The following ANKRD17 variants were observed in gnomAD, a reference collection of about 807,000 sequenced individuals.
The protein encoded by ANKRD17 is ankyrin repeat domain 17.
A neutral mutation model predicts 229.7 loss-of-function variants in ANKRD17; 19 were observed. The observed-to-expected ratio is 0.08, with a 90% CI of 0.06 to 0.12. ANKRD17 has a LOEUF of 0.12. ANKRD17 is among the 10% of genes least tolerant of loss of function. The pLI is 1.00. For synonymous variants in ANKRD17, 1,112 were observed against 1,146.1 expected, an observed-to-expected ratio of 0.97 and a Z score of 0.60; for missense variants, 2,176 against 3,176.8, an observed-to-expected ratio of 0.68 and a Z score of 7.57.
rs147884337 is a variant in ANKRD17, at chr4:73,105,776, G to C, written c.4402-3229C>G. 6.8e-4 allele frequency among the ~76,000 whole-genome samples: 104 copies of C among 152,198 alleles called. No individual in the cohort carries two copies. In the East Asian group the frequency reaches 0.013, roughly 18 times the overall value. Reference sequence around the variant, plus strand: ...GATTATTATAAGCATTAAAAGAAAGGCAAAATACTAAATTTGAGAAAAAGT... The same window carrying C: ...GATTATTATAAGCATTAAAAGAAAGCCAAAATACTAAATTTGAGAAAAAGT... On this transcript the variant is annotated intron_variant, in intron 24 of 33. Coordinates refer to ENST00000358602, the MANE Select transcript of ANKRD17 (RefSeq NM_032217.5).
At chr4:73,246,499 G>C (rs1744513734) in intron 1 of ANKRD17, among the ~76,000 whole-genome samples, 1 of 152,142 alleles carries the variant, frequency 6.6e-6, no homozygotes, top group Non-Finnish European at 1.5e-5. Context: ...ATTAGGTGTT[G>C]GAAGAAAGGT....
At position 73,142,381 on chromosome 4, in the gene ANKRD17, C is replaced by G. The variant is rs1729720928; in HGVS notation, c.2090G>C (p.Gly697Ala). The G allele has an allele frequency of 6.3e-7, 1 of 1,589,008 alleles. No homozygotes were observed. The highest frequency in any genetic ancestry group is 1.2e-5 in the South Asian group (1 of 85,072). ...GADPTHRLKDGSTMLIEAAKG... is the reference protein window; with the variant it reads ...GADPTHRLKDASTMLIEAAKG... ...TGCTGCTTCTATCAACATAGTTGAG[C>G]CATCCTAAAAGAGTGAATATGGAAG... Residue 697 changes from glycine to alanine, a missense_variant, in exon 13 of 34, where the codon GGC becomes GCC. By Grantham distance (60) the Gly-to-Ala change is moderately conservative (BLOSUM62 0). This residue lies in a region of ANKRD17 where 275 missense variants were observed against 386.9 expected (regional missense o/e 0.71). Transcript: ENST00000358602.
At chr4:73,165,199 C>T (rs1301144514) in intron 2 of ANKRD17, among the ~76,000 whole-genome samples, 1 of 152,134 alleles carries the variant, frequency 6.6e-6, no homozygotes, top group East Asian at 1.9e-4. Flanking sequence ...ATTAGCCCAA[C>T]AGGAGTCAGG....
chr4:73,144,309 G>A (rs1442314589), intron 11 of ANKRD17, among the ~76,000 whole-genome samples: 1 of 152,002 alleles, frequency 6.6e-6, no homozygotes, highest in African/African-American at 2.4e-5. Context: ...AACATTTTTT[G>A]TACTATATTT....
chr4:73,256,688 T>C (rs977442692), intron 1 of ANKRD17, among the ~76,000 whole-genome samples: 8 of 152,318 alleles, frequency 5.3e-5, no homozygotes, highest in Admixed American at 3.9e-4. Context: ...TGATTCTAAG[T>C]ACCATAACAA....
intron 29 of ANKRD17, among the ~76,000 whole-genome samples, chr4:73,088,669 C>A (rs1041413692): frequency 6.6e-6 from 1 of 152,074 alleles, no homozygotes; most frequent in Admixed American, 6.5e-5. Flanking sequence ...AATTATTTTT[C>A]ATAGTACACA....
Position 73,118,815 on chromosome 4 carries a change from T to C in ANKRD17, c.4061A>G (p.Asn1354Ser). ...ATTTGCTGCTAGCCACAATGGAGTG[T>C]TCCCCTTCTTGTTACGTACATCAAT... is the stretch of plus-strand genomic sequence containing the variant. ...AHIDVRNKKG[N>S]TPLWLAANGG... The change falls in exon 22 of 34, where the codon AAC (asparagine) becomes AGC (serine). Residue 1354 changes from asparagine to serine, a missense_variant. By Grantham distance (46) the Asn-to-Ser change is conservative. Transcript: ENST00000358602. The C allele has an allele frequency of 6.2e-7, 1 of 1,613,708 alleles. No homozygotes were observed. Among genetic ancestry groups the C allele is most frequent in the Non-Finnish European group, 8.5e-7 (1 of 1,179,872 alleles).
chr4:73,208,443 G>A (rs1739805112), intron 1 of ANKRD17, among the ~76,000 whole-genome samples: 1 of 152,152 alleles, frequency 6.6e-6, no homozygotes, highest in Admixed American at 6.5e-5. Flanking sequence ...ATTTAGAAAT[G>A]AAATAACCAA....
intron 22 of ANKRD17, among the ~76,000 whole-genome samples, chr4:73,117,530 T>C (rs1726121106): frequency 6.6e-6 from 1 of 152,132 alleles, no homozygotes; most frequent in African/African-American, 2.4e-5. Context: ...AAGGAATAAG[T>C]TGGATTGCTG....
chr4:73,168,777 GT>G (rs1453557401), intron 2 of ANKRD17, among the ~76,000 whole-genome samples: 1 of 152,168 alleles, frequency 6.6e-6, no homozygotes, highest in African/African-American at 2.4e-5. Flanking sequence ...CGTTTTTTGT[GT>G]GTGTCCTTCC....
chr4:73,244,130 TATAAGTAC>T (rs1744277640), intron 1 of ANKRD17, among the ~76,000 whole-genome samples: 1 of 152,178 alleles, frequency 6.6e-6, no homozygotes, highest in South Asian at 2.1e-4. Flanking sequence ...GTCCTCTTTT[TATAAGTAC>T]ATCAGTCAGA....
chr4:73,107,983 G>T (rs1724843162), intron 24 of ANKRD17, among the ~76,000 whole-genome samples: 1 of 152,152 alleles, frequency 6.6e-6, no homozygotes, highest in African/African-American at 2.4e-5. Flanking sequence ...TTGAACCATG[G>T]TGAGAAGTGA....
intron 1 of ANKRD17, among the ~76,000 whole-genome samples, chr4:73,181,188 T>C (rs1735495275): frequency 6.6e-6 from 1 of 152,212 alleles, no homozygotes; most frequent in Non-Finnish European, 1.5e-5. Context: ...CATTAGGTAG[T>C]AGGTGGTGCA....
intron 1 of ANKRD17, among the ~76,000 whole-genome samples, chr4:73,189,606 G>A (rs931382547): frequency 1.3e-5 from 2 of 152,042 alleles, no homozygotes; most frequent in Non-Finnish European, 1.5e-5. Context: ...CATTACAGGC[G>A]TGAGCCATCG....
rs1475073900 is a variant in ANKRD17 at position 73,091,048 on chromosome 4, A to C, written c.6580T>G (p.Ser2194Ala). 2 of 1,614,092 alleles carry C rather than the reference A, an allele frequency of 1.2e-6. No individual in the cohort carries two copies. Among genetic ancestry groups the C allele is most frequent in the Non-Finnish European group, 1.7e-6 (2 of 1,180,046 alleles). ...ACTGCAACAGATGAATTTTGCACTG[A>C]AGCTGAATTCTTGTGAGGGGCAGTT... ...GTTAPHKNSASVQNSSVAVLS... is the reference protein window; with the variant it reads ...GTTAPHKNSAAVQNSSVAVLS... The change falls in exon 29 of 34, where the codon TCA becomes GCA. Residue 2194 changes from serine to alanine, a missense_variant. Physicochemically the swap from Ser to Ala is moderately conservative, Grantham distance 99. Coordinates refer to ENST00000358602, the MANE Select transcript of ANKRD17 (RefSeq NM_032217.5).
At chr4:73,202,317 T>A (rs991950054) in intron 1 of ANKRD17, among the ~76,000 whole-genome samples, 1 of 40,490 alleles carries the variant, frequency 2.5e-5, no homozygotes, top group Admixed American at 4.5e-4. Context: ...AGGAACAGGA[T>A]TAAAAAAAAA....
intron 30 of ANKRD17, among the ~76,000 whole-genome samples, chr4:73,083,699 G>A (rs1029965017): frequency 2.6e-5 from 4 of 152,082 alleles, no homozygotes; most frequent in Non-Finnish European, 4.4e-5. Context: ...CCAGCACTTT[G>A]GGAGCTGTGC....
chr4:73,078,634 T>C lies in ANKRD17; in HGVS notation c.7408+8A>G. The C allele has an allele frequency of 1.9e-6, 3 of 1,613,048 alleles. No homozygotes were observed. The highest frequency in any genetic ancestry group is 2.5e-6 in the Non-Finnish European group (3 of 1,179,164). ...TTAATTTCTAGAGAGCAGGACAGAA[T>C]ATCCTACCTTGATTGCCACCAATCC... On this transcript the variant is annotated splice_region_variant and intron_variant, in intron 31 of 33. Transcript: ENST00000358602.
intron 16 of ANKRD17, 26 bp from the exon 17 acceptor site, chr4:73,125,338 T>C (rs1396687545): frequency 6.7e-7 from 1 of 1,486,386 alleles, no homozygotes; most frequent in Non-Finnish European, 9.2e-7. Flanking sequence ...TTTTGGTTAG[T>C]TTATTAAATA....
Sources: allele counts gnomAD v4.1 joint callset (sites outside exome capture counted in the v4.1 genomes callset), GRCh38; gene constraint gnomAD v4.1.1; regional missense constraint gnomAD v4.1.1; transcripts MANE v1.5; gene names NCBI Gene and HGNC (gene_info 2026-07-23, HGNC 2026-07-21).